NDRG4: variants seen among roughly 807,000 people sequenced by gnomAD.
The protein encoded by NDRG4 is NDRG family member 4.
In NDRG4, 38 loss-of-function variants were observed where a neutral mutation model predicts 55.8. The observed-to-expected ratio is 0.68, with a 90% confidence interval of 0.53 to 0.89. The LOEUF (loss-of-function observed/expected upper bound fraction) is 0.89. Among genes scored for constraint, NDRG4 ranks in the 40% least tolerant of loss-of-function variants. The pLI, the probability that NDRG4 is intolerant of heterozygous loss-of-function variation, is 0.00. For synonymous variants in NDRG4, 190 were observed against 182.7 expected (o/e 1.04, Z -0.32); for missense variants, 455 against 468.6 (o/e 0.97, Z 0.27).
chr16:58,494,899 G>A (rs915885157), intron 2 of NDRG4: 1 of 1,415,156 alleles, frequency 7.1e-7, no homozygotes, highest in African/African-American at 1.4e-5. Flanking sequence ...GTCTGCTAAG[G>A]CCCCACGGGC....
In NDRG4 at chr16:58,504,161, A is replaced by G. The variant is rs2037533052; in HGVS notation, c.135A>G (p.Leu45=). ...TYHDVGLNHK[L]CFNTFFNFED... is the part of the protein sequence containing the mutation. ...GGAAGTGTGTCTTTGCAGACAAACT[A>G]TGCTTCAACACCTTCTTCAACTTCG... Residue 45 remains leucine, a synonymous_variant, in exon 3 of 15, where the codon CTA becomes CTG. Coordinates refer to ENST00000570248, the MANE Select transcript of NDRG4 (RefSeq NM_001242835.2). The G allele has an allele frequency of 1.2e-6, 2 of 1,614,032 alleles. No individual in the cohort carries two copies. The highest frequency in any genetic ancestry group is 1.3e-5 in the African/African-American group (1 of 74,926).
intron 1 of NDRG4, among the ~76,000 whole-genome samples, chr16:58,480,584 AC>A (rs2034272255): frequency 6.6e-6 from 1 of 152,252 alleles, no homozygotes; most frequent in Non-Finnish European, 1.5e-5. Context: ...CATTTGAGCA[AC>A]AAAAATGTTT....
At position 58,464,552 on chromosome 16, in the gene NDRG4, C is replaced by T; in HGVS notation, c.-24+755C>T. On this transcript the variant is annotated intron_variant, in intron 1 of 15. Coordinates refer to the NDRG4 transcript ENST00000258187. This position sits in a 1 kb window ranked among gnomAD's most constrained non-coding sequence, Gnocchi z 4.8. ...GCGGCGGCCGGGGACTGGGGCGGCT[C>T]GGGTCTGAGCAGGAAGGGGTGCGGA... 8 of 1,211,908 alleles carry T rather than the reference C, an allele frequency of 6.6e-6. No individual in the cohort carries two copies. The highest frequency in any genetic ancestry group is 8.4e-6 in the Non-Finnish European group (8 of 948,942). The allele number at this position is 1,211,908 out of a possible 1,614,324, so 75.1% of individuals were successfully genotyped here. A position where few individuals can be genotyped will look rare whatever the true frequency, so the allele number is the denominator to read the frequency against.
At chr16:58,482,016 T>C (rs1191934141) in intron 1 of NDRG4, among the ~76,000 whole-genome samples, 1 of 152,090 alleles carries the variant, frequency 6.6e-6, no homozygotes, top group African/African-American at 2.4e-5. Flanking sequence ...CATGTATCAC[T>C]GAGCACCAAC....
chr16:58,464,405 A>G lies in NDRG4; in HGVS notation c.-24+608A>G, dbSNP rs1045627867. ...GCGCGCTGCCCCGACGCCGCCACCC[A>G]GAGCCGGGCCGCGCCGGGCGCCGAG... is the stretch of plus-strand genomic sequence containing the variant. On this transcript the variant is annotated intron_variant, in intron 1 of 15. Transcript: ENST00000258187. This position sits in a 1 kb window ranked among gnomAD's most constrained non-coding sequence, Gnocchi z 4.8. 3.7e-6 allele frequency: 5 copies of G among 1,368,116 alleles called. No individual in the cohort carries two copies. In the East Asian group the frequency reaches 1.5e-4, roughly 42 times the overall value. 84.7% of individuals were successfully genotyped at this position (1,368,116 alleles called of 1,614,324 possible).
At chr16:58,504,029 C>G in intron 2 of NDRG4, 125 bp from the exon 3 acceptor site, 1 of 1,567,596 alleles carries the variant, frequency 6.4e-7, no homozygotes, top group East Asian at 2.2e-5. Flanking sequence ...CTTCGCCCTC[C>G]GGGCCTCCAT....
chr16:58,488,572 C>T (rs2035407232), intron 2 of NDRG4, among the ~76,000 whole-genome samples: 1 of 152,082 alleles, frequency 6.6e-6, no homozygotes, highest in Non-Finnish European at 1.5e-5. Flanking sequence ...TGCCCGGACC[C>T]CCTTCTTTTA....
chr16:58,477,709 G>A (rs2033860047), intron 1 of NDRG4, among the ~76,000 whole-genome samples: 1 of 148,922 alleles, frequency 6.7e-6, no homozygotes. Flanking sequence ...TTATCATTAG[G>A]CAACCACCAA....
chr16:58,494,323 C>T (rs1254649891), intron 2 of NDRG4, among the ~76,000 whole-genome samples: 1 of 152,208 alleles, frequency 6.6e-6, no homozygotes, highest in East Asian at 1.9e-4. Flanking sequence ...GAAAAGGTCC[C>T]TCTTTCCCCC....
chr16:58,497,895 C>T (rs1453864144), upstream of NDRG4, among the ~76,000 whole-genome samples: 1 of 152,056 alleles, frequency 6.6e-6, no homozygotes, highest in African/African-American at 2.4e-5. Context: ...ATTCTCACAG[C>T]AGCTTGGTGA....
intron 2 of NDRG4, 119 bp downstream of exon 2, chr16:58,504,022 C>T (rs761632742): frequency 2.8e-5 from 43 of 1,557,684 alleles, no homozygotes; most frequent in African/African-American, 4.1e-5. Context: ...CTGTTGCCTT[C>T]GCCCTCCGGG....
At chr16:58,509,034 G>A in intron 11 of NDRG4, 25 bp downstream of exon 11, 1 of 1,614,132 alleles carries the variant, frequency 6.2e-7, no homozygotes, top group Non-Finnish European at 8.5e-7. Flanking sequence ...CCCAGCCCTG[G>A]GCCAGCTTCC....
At chr16:58,493,691 G>A (rs183580161) in intron 2 of NDRG4, among the ~76,000 whole-genome samples, 32 of 152,372 alleles carry the variant, frequency 2.1e-4, no homozygotes, top group African/African-American at 7.2e-4. Flanking sequence ...GAGGCTCGGA[G>A]GCTGAGTGAG....
chr16:58,514,385 G>T (rs1304154152), downstream of NDRG4, among the ~76,000 whole-genome samples: 1 of 152,064 alleles, frequency 6.6e-6, no homozygotes, highest in Non-Finnish European at 1.5e-5. Context: ...CTACAGAGTA[G>T]GTATTATCTT....
chr16:58,505,213 G>C (rs2037727431), intron 5 of NDRG4, among the ~76,000 whole-genome samples: 1 of 151,740 alleles, frequency 6.6e-6, no homozygotes, highest in Non-Finnish European at 1.5e-5. Context: ...GCCGGGCGTA[G>C]TGGCGGGCGC....
Position 58,505,713 on chromosome 16 carries a change from C to CTTTTTTTTTTTTTTTTTTTTTTTTT in NDRG4, c.373-672_373-648dup, listed in dbSNP as rs1028370131. The stretch of plus-strand genomic sequence containing the variant: ...ATTTATATCATGAGGGCTTCATTTT[C>CTTTTTTTTTTTTTTTTTTTTTTTTT]TTTTTTTTTTTTTTTTTTTTTTTTT... On this transcript the variant is annotated intron_variant, in intron 5 of 14. Transcript: ENST00000570248. Among the ~76,000 whole-genome samples the CTTTTTTTTTTTTTTTTTTTTTTTTT allele has an allele frequency of 5.5e-4, 32 of 58,656 alleles. 4 individuals carry two copies. The highest frequency in any genetic ancestry group is 2.3e-3 in the African/African-American group (30 of 13,048). The allele number at this position is 58,656 out of a possible 152,430, so 38.5% of individuals were successfully genotyped here.
At chr16:58,510,496 C>G (rs2038663271) in intron 13 of NDRG4, 149 bp from the exon 14 acceptor site, 1 of 684,580 alleles carries the variant, frequency 1.5e-6, no homozygotes, top group Non-Finnish European at 2.6e-6. Flanking sequence ...CTTCCAGAAG[C>G]CTCTGGCCCT....
rs770127347 is a variant in NDRG4 at position 58,506,598 on chromosome 16, C to T, written c.500C>T (p.Ser167Phe). The T allele has an allele frequency of 2.6e-6, 4 of 1,564,484 alleles. No individual in the cohort carries two copies. In the South Asian group the frequency reaches 4.7e-5, roughly 18 times the overall value. ...AGCACTTTACCCGACACGGTGCTCTCCCACCTCTTCAGCCAGGTAAGGGGG... is the reference window on the plus strand; with the variant it reads ...AGCACTTTACCCGACACGGTGCTCTTCCACCTCTTCAGCCAGGTAAGGGGG... ...LTSTLPDTVL[S>F]HLFSQEELVN... Residue 167 changes from serine to phenylalanine, a missense_variant, in exon 7 of 15, where the codon TCC becomes TTC. Coordinates refer to ENST00000570248, the MANE Select transcript of NDRG4 (RefSeq NM_001242835.2).
chr16:58,502,200 A>G (rs1246066803), intron 1 of NDRG4: 3 of 347,356 alleles, frequency 8.6e-6, no homozygotes, highest in South Asian at 2.1e-5. Context: ...GCTTGGGCCT[A>G]TGTGGGAAGT....
Sources: gnomAD v4.1 joint callset for allele counts (sites outside exome capture counted in the v4.1 genomes callset) on GRCh38, gnomAD v4.1.1 for gene constraint, Gnocchi (gnomAD v3.1) non-coding constraint, MANE v1.5 for transcripts, NCBI Gene and HGNC (gene_info 2026-07-23, HGNC 2026-07-21) for gene names.